Variants in LIG4 observed in about 807,000 individuals in gnomAD.
LIG4 encodes the protein DNA ligase 4.
A neutral mutation model predicts 19.0 loss-of-function variants in LIG4; 13 were observed. That is an observed-to-expected ratio of 0.68 (90% CI 0.44 to 1.09). The LOEUF is 1.09. LIG4 is among the 50% of genes least tolerant of loss of function. The pLI is 0.00. For missense variants in LIG4, 1,026 were observed against 1,089.7 expected, an observed-to-expected ratio of 0.94 and a Z score of 0.82; for synonymous variants, 361 against 358.2, an observed-to-expected ratio of 1.01 and a Z score of -0.09.
intron 2 of LIG4, among the ~76,000 whole-genome samples, chr13:108,214,034 C>T (rs1168604962): frequency 6.6e-6 from 1 of 152,112 alleles, no homozygotes; most frequent in Non-Finnish European, 1.5e-5. Flanking sequence ...GCAATTAGTA[C>T]ACAATAACGA....
upstream of LIG4, among the ~76,000 whole-genome samples, chr13:108,216,329 A>G (rs1172517867): frequency 6.6e-6 from 1 of 152,202 alleles, no homozygotes. Context: ...AGGGGTGGAA[A>G]CAACTTTTAG....
In LIG4 at chr13:108,207,553, A is replaced by G. The variant is rs1429624464; in HGVS notation, c.*980T>C. The G allele has an allele frequency of 6.6e-6, 1 of 152,220 alleles. No homozygotes were observed. Among genetic ancestry groups the G allele is most frequent in the African/African-American group, 2.4e-5 (1 of 41,456 alleles). The allele number at this position is 152,220 out of a possible 1,614,324, so 9.4% of individuals were successfully genotyped here. Reference sequence around the variant, plus strand: ...AATAACTTTCAAATAATGCACACATAGTATCGCATGGATCAAATTCCGTAC... The same window carrying G: ...AATAACTTTCAAATAATGCACACATGGTATCGCATGGATCAAATTCCGTAC... On this transcript the variant is annotated 3_prime_UTR_variant, in exon 3 of 3. Coordinates refer to ENST00000442234, the MANE Select transcript of LIG4 (RefSeq NM_206937.2).
Position 108,210,299 on chromosome 13 carries a change from G to A in LIG4, c.970C>T (p.Gln324Ter). ...FIHNAFKADI[Q>*]ICILDGEMMA... is the part of the protein sequence containing the mutation. Reference sequence around the variant, plus strand: ...ATCTCACCATCAAGAATACAGATTTGTATATCTGCTTTGAATGCATTATGA... The same window carrying A: ...ATCTCACCATCAAGAATACAGATTTATATATCTGCTTTGAATGCATTATGA... Residue 324 changes from glutamine (Q) to a stop codon, truncating the protein, a stop_gained, in exon 3 of 3, where the codon CAA (glutamine) becomes TAA (stop). Transcript: ENST00000442234. LOFTEE classifies it low-confidence loss of function (END_TRUNC). 1 of 1,613,808 alleles carries A rather than the reference G, an allele frequency of 6.2e-7. No individual in the cohort carries two copies. The highest frequency in any genetic ancestry group is 8.5e-7 in the Non-Finnish European group (1 of 1,179,812).
Position 108,209,903 on chromosome 13 carries a change from T to A in LIG4, c.1366A>T (p.Ser456Cys). The change falls in exon 3 of 3, where the codon AGT becomes TGT. Residue 456 changes from serine (S) to cysteine (C), a missense_variant. By Grantham distance (112) the Ser-to-Cys change is moderately radical. Transcript: ENST00000442234. ...ATGTCCAATTCATCCATTAGTCCAC[T>A]GACATACTCTGGTTTAATTTTTAAC... ...GWLKIKPEYV[S>C]GLMDELDILI... 1 of 1,614,202 alleles carries A rather than the reference T, an allele frequency of 6.2e-7. No homozygotes were observed. The highest frequency in any genetic ancestry group is 8.5e-7 in the Non-Finnish European group (1 of 1,180,026).
intron 2 of LIG4, among the ~76,000 whole-genome samples, chr13:108,212,391 T>C (rs537274209): frequency 6.6e-6 from 1 of 152,162 alleles, no homozygotes; most frequent in Non-Finnish European, 1.5e-5. Context: ...ATTTCACAAG[T>C]GTAAATTTCT....
Position 108,208,261 on chromosome 13 carries a change from A to G in LIG4, c.*272T>C, listed in dbSNP as rs1878126877. 3.5e-6 allele frequency: 1 copy of G among 287,120 alleles called. No homozygotes were observed. Among genetic ancestry groups the G allele is most frequent in the Admixed American group, 4.9e-5 (1 of 20,606 alleles). 17.8% of individuals were successfully genotyped at this position (287,120 alleles called of 1,614,324 possible). The stretch of plus-strand genomic sequence containing the variant: ...AAAAATTCTAGATTTCTATATGGAT[A>G]TTATAAAAACACCTCTTCTTTAGAC... On this transcript the variant is annotated 3_prime_UTR_variant, in exon 3 of 3. Coordinates refer to ENST00000442234, the MANE Select transcript of LIG4 (RefSeq NM_206937.2).
In LIG4 at chr13:108,210,989, T is replaced by C. The variant is rs779426813; in HGVS notation, c.280A>G (p.Ile94Val). The C allele has an allele frequency of 3.0e-5, 49 of 1,610,274 alleles. No individual in the cohort carries two copies. Among genetic ancestry groups the C allele is most frequent in the Non-Finnish European group, 4.0e-5 (47 of 1,179,126 alleles). ...IKETMLAKLY[I>V]ELLNLPRDGK... ...TCTCTAGGTAAATTAAGCAACTCAA[T>C]ATAAAGCTTAGCAAGCATAGTTTCT... is the stretch of plus-strand genomic sequence containing the variant. Residue 94 changes from isoleucine (I) to valine (V), a missense_variant, in exon 3 of 3, where the codon ATT (isoleucine) becomes GTT (valine). Physicochemically the swap from Ile to Val is conservative, Grantham distance 29. Transcript: ENST00000442234.
intron 2 of LIG4, among the ~76,000 whole-genome samples, chr13:108,212,188 AAAAAGAAAAAAAAG>A (rs962702793): frequency 1.3e-5 from 2 of 150,488 alleles, no homozygotes; most frequent in African/African-American, 5.0e-5. Flanking sequence ...GTAAAAAAAA[AAAAAGAAAAAAAAG>A]AAAAGAAAAA....
rs778190953 is a variant in LIG4, at chr13:108,208,996, T to C, written c.2273A>G (p.Tyr758Cys). ...PSTKEHFARE[Y>C]DCYGDSYFID... ...GAAATAACTATCACCATAGCAATCATATTCACGGGCAAAATGTTCTTTGGT... is the reference window on the plus strand; with the variant it reads ...GAAATAACTATCACCATAGCAATCACATTCACGGGCAAAATGTTCTTTGGT... Residue 758 changes from tyrosine (Y) to cysteine (C), a missense_variant, in exon 3 of 3, where the codon TAT becomes TGT. Tyr to Cys is a radical substitution (Grantham distance 194). Transcript: ENST00000442234. 21 of 1,614,164 alleles carry C rather than the reference T, an allele frequency of 1.3e-5. No homozygotes were observed. Among genetic ancestry groups the C allele is most frequent in the East Asian group, 8.9e-5 (4 of 44,888 alleles).
Position 108,211,023 on chromosome 13 carries a change from A to G in LIG4, c.246T>C (p.Tyr82=), listed in dbSNP as rs2138980671. ...LPQLERERMA[Y]GIKETMLAKL... ...TAGCAAGCATAGTTTCTTTAATTCC[A>G]TAGGCCATTCTCTCTCTTTCTAGCT... The change falls in exon 3 of 3, where the codon TAT becomes TAC. Residue 82 remains tyrosine (Y), a synonymous_variant. Coordinates refer to ENST00000442234, the MANE Select transcript of LIG4 (RefSeq NM_206937.2). 6.2e-7 allele frequency: 1 copy of G among 1,603,046 alleles called. No homozygotes were observed. The highest frequency in any genetic ancestry group is 2.2e-5 in the East Asian group (1 of 44,814).
chr13:108,214,868 C>CTT (rs1879076124), intron 1 of LIG4: 4 of 123,606 alleles, frequency 3.2e-5, no homozygotes, highest in African/African-American at 3.2e-5. Flanking sequence ...CCTCCCAGAC[C>CTT]CCCCCACCTG....
At chr13:108,214,157 A>G (rs1365044842) in intron 2 of LIG4, among the ~76,000 whole-genome samples, 1 of 152,196 alleles carries the variant, frequency 6.6e-6, no homozygotes, top group African/African-American at 2.4e-5. Context: ...TATTGCACTT[A>G]AAAAAGAGAG....
Position 108,208,427 on chromosome 13 carries a change from T to A in LIG4, c.*106A>T. 1.3e-6 allele frequency: 1 copy of A among 748,368 alleles called. No homozygotes were observed. The allele number at this position is 748,368 out of a possible 1,614,324, so 46.4% of individuals were successfully genotyped here. On this transcript the variant is annotated 3_prime_UTR_variant, in exon 3 of 3. Transcript: ENST00000442234. ...TATATGTAATGATACTTTTTAGGCA[T>A]AGATTTTTAAGATACAAAAATAAAA...
chr13:108,210,436 C>G lies in LIG4; in HGVS notation c.833G>C (p.Arg278Pro). The change falls in exon 3 of 3, where the codon CGT (arginine) becomes CCT (proline). Residue 278 changes from arginine (R) to proline (P), a missense_variant. Physicochemically the swap from Arg to Pro is moderately radical, Grantham distance 103 (BLOSUM62 -2). This residue lies in a region of LIG4 where 493 missense variants were observed against 544.5 expected (regional missense o/e 0.91). Coordinates refer to ENST00000442234, the MANE Select transcript of LIG4 (RefSeq NM_206937.2). ...ATCTCCATCTTTGTGCATTTGCATA[C>G]GTTCACCATCTAGCTTGGTTTCTAT... Reference protein sequence around the residue: ...FYIETKLDGERMQMHKDGDVY... With the variant: ...FYIETKLDGEPMQMHKDGDVY... 8 of 1,613,322 alleles carry G rather than the reference C, an allele frequency of 5.0e-6. No individual in the cohort carries two copies. The highest frequency in any genetic ancestry group is 6.8e-6 in the Non-Finnish European group (8 of 1,179,790).
Position 108,210,524 on chromosome 13 carries a change from T to C in LIG4, c.745A>G (p.Met249Val). 1.2e-6 allele frequency: 2 copies of C among 1,612,614 alleles called. No homozygotes were observed. Among genetic ancestry groups the C allele is most frequent in the East Asian group, 4.5e-5 (2 of 44,862 alleles). Residue 249 changes from methionine to valine, a missense_variant, in exon 3 of 3, where the codon ATG (methionine) becomes GTG (valine). Around this residue, in one of 3 missense-constraint regions of LIG4, gnomAD observed 493 missense variants for 544.5 expected, o/e 0.91. Coordinates refer to ENST00000442234, the MANE Select transcript of LIG4 (RefSeq NM_206937.2). ...SITLFSAFKP[M>V]LAAIADIEHI... ...TCAATATCTGCAATAGCAGCTAGCA[T>C]TGGTTTAAATGCAGAAAATAAAGTG...
chr13:108,208,506 A>G lies in LIG4; in HGVS notation c.*27T>C. The G allele has an allele frequency of 7.0e-7, 1 of 1,434,320 alleles. No homozygotes were observed. The highest frequency in any genetic ancestry group is 9.8e-7 in the Non-Finnish European group (1 of 1,019,162). The allele number at this position is 1,434,320 out of a possible 1,614,324, so 88.8% of individuals were successfully genotyped here. A position where few individuals can be genotyped will look rare whatever the true frequency, so the allele number is the denominator to read the frequency against. On this transcript the variant is annotated 3_prime_UTR_variant, in exon 3 of 3. Coordinates refer to ENST00000442234, the MANE Select transcript of LIG4 (RefSeq NM_206937.2). ...TGCTGCAATGAGTCTGCCAGATCAG[A>G]GGCTTTCCTCACTAGGAAACCTAGC... is the stretch of plus-strand genomic sequence containing the variant.
upstream of LIG4, among the ~76,000 whole-genome samples, chr13:108,217,322 C>T (rs577049477): frequency 8.0e-4 from 122 of 152,194 alleles, no homozygotes; most frequent in Non-Finnish European, 1.5e-3. Flanking sequence ...TTGAGAGCAG[C>T]CTGGCCAACA....
chr13:108,214,806 C>CGCTGCA (rs1237861450), intron 1 of LIG4, 196 bp from the exon 2 acceptor site: 3 of 152,008 alleles, frequency 2.0e-5, no homozygotes, highest in African/African-American at 7.3e-5. Context: ...CATCACCTGC[C>CGCTGCA]GCTGCACAAA....
chr13:108,210,203 C>G lies in LIG4; in HGVS notation c.1066G>C (p.Glu356Gln), dbSNP rs1878481830. ...TAACAAGTTTGCAGATCAGAATCCT[C>G]TACCATTCTTTTAATATCAAACTTA... ...GTKFDIKRMV[E>Q]DSDLQTCYCV... The change falls in exon 3 of 3, where the codon GAG becomes CAG. Residue 356 changes from glutamate (E) to glutamine (Q), a missense_variant. By Grantham distance (29) the Glu-to-Gln change is conservative. Around this residue, in one of 3 missense-constraint regions of LIG4, gnomAD observed 493 missense variants for 544.5 expected, o/e 0.91. Coordinates refer to ENST00000442234, the MANE Select transcript of LIG4 (RefSeq NM_206937.2). The G allele has an allele frequency of 6.2e-7, 1 of 1,613,576 alleles. No homozygotes were observed. The highest frequency in any genetic ancestry group is 1.3e-5 in the African/African-American group (1 of 74,914).
Sources: gnomAD v4.1 joint callset for allele counts (sites outside exome capture counted in the v4.1 genomes callset) on GRCh38, gnomAD v4.1.1 for gene constraint, gnomAD v4.1.1 regional missense constraint, MANE v1.5 for transcripts, NCBI Gene and HGNC (gene_info 2026-07-23, HGNC 2026-07-21) for gene names.